Variants in INTU observed in about 807,000 individuals in gnomAD.
INTU encodes the protein inturned planar cell polarity protein.
Under a neutral mutation model 100.5 loss-of-function variants are expected in INTU, and 68 were observed. That is an observed-to-expected ratio of 0.68 (90% CI 0.56 to 0.83). The LOEUF is 0.83. Ranked by LOEUF, INTU falls within the 40% of genes least tolerant of loss-of-function variation. The pLI is 0.00. For missense variants in INTU, 1,071 were observed against 1,114.7 expected (o/e 0.96, Z 0.56); for synonymous variants, 357 against 395.7 (o/e 0.90, Z 1.16).
At chr4:127,690,952 C>T (rs1311716424) in intron 8 of INTU, among the ~76,000 whole-genome samples, 1 of 152,126 alleles carries the variant, frequency 6.6e-6, no homozygotes, top group East Asian at 1.9e-4. Context: ...CTTTTAGTAT[C>T]ATACAGAGTA....
chr4:127,679,957 C>T (rs1387391780), intron 6 of INTU, among the ~76,000 whole-genome samples: 6 of 152,208 alleles, frequency 3.9e-5, no homozygotes, highest in African/African-American at 1.4e-4. Context: ...AAACTACCGT[C>T]AGAGAATACT....
intron 1 of INTU, among the ~76,000 whole-genome samples, chr4:127,640,538 GATAC>G (rs1406030096): frequency 7.1e-5 from 5 of 70,362 alleles, no homozygotes; most frequent in African/African-American, 3.3e-4. Context: ...TTTGGGTAAA[GATAC>G]ATATATATAT....
At chr4:127,644,722 TTAAAGA>T (rs1727495127) in intron 2 of INTU, among the ~76,000 whole-genome samples, 1 of 152,324 alleles carries the variant, frequency 6.6e-6, no homozygotes, top group Admixed American at 6.5e-5. Context: ...ATCTAATTAC[TTAAAGA>T]TAAATGAGTA....
chr4:127,647,702 A>G (rs1043700615), intron 2 of INTU, among the ~76,000 whole-genome samples: 1 of 152,102 alleles, frequency 6.6e-6, no homozygotes, highest in Non-Finnish European at 1.5e-5. Flanking sequence ...TTTTTGTGAT[A>G]GTAATAATAT....
intron 2 of INTU, among the ~76,000 whole-genome samples, chr4:127,652,019 TTGTC>T (rs1727907842): frequency 1.4e-5 from 2 of 146,984 alleles, no homozygotes; most frequent in Non-Finnish European, 3.0e-5. Context: ...GGCTCTCTGT[TTGTC>T]TGTTATTGGT....
intron 6 of INTU, among the ~76,000 whole-genome samples, 153 bp downstream of exon 6, chr4:127,674,366 G>A (rs1338600743): frequency 6.6e-6 from 1 of 152,154 alleles, no homozygotes; most frequent in Non-Finnish European, 1.5e-5. Context: ...ACCTGTGTTC[G>A]TTTGGTATGA....
At chr4:127,677,297 C>T (rs555652702) in intron 6 of INTU, among the ~76,000 whole-genome samples, 2 of 152,040 alleles carry the variant, frequency 1.3e-5, no homozygotes, top group East Asian at 3.9e-4. Flanking sequence ...AGACTGCCTC[C>T]TCAAGTGGGT....
At chr4:127,661,906 C>T (rs1180295808) in intron 3 of INTU, among the ~76,000 whole-genome samples, 1 of 152,154 alleles carries the variant, frequency 6.6e-6, no homozygotes, top group Non-Finnish European at 1.5e-5. Context: ...TTTCCACCAG[C>T]AGGGCATAAG....
intron 8 of INTU, among the ~76,000 whole-genome samples, chr4:127,697,407 C>T (rs1437869975): frequency 6.6e-6 from 1 of 151,856 alleles, no homozygotes; most frequent in Non-Finnish European, 1.5e-5. Context: ...AATTTGACTC[C>T]TCTTATCTGT....
At chr4:127,673,444 C>A (rs925940816) in intron 5 of INTU, among the ~76,000 whole-genome samples, 3 of 151,342 alleles carry the variant, frequency 2.0e-5, no homozygotes, top group Non-Finnish European at 2.9e-5. Context: ...TTTAGCTTCC[C>A]TTAAGTGCTG....
At chr4:127,641,264 T>C (rs1374342477) in intron 1 of INTU, among the ~76,000 whole-genome samples, 1 of 152,130 alleles carries the variant, frequency 6.6e-6, no homozygotes, top group Admixed American at 6.6e-5. Flanking sequence ...CTTAAAACTC[T>C]TTGTTGATGC....
Position 127,674,292 on chromosome 4 carries a change from G to T in INTU, c.1181+79G>T, listed in dbSNP as rs535072104. On this transcript the variant is annotated intron_variant, in intron 6 of 15. Coordinates refer to ENST00000335251, the MANE Select transcript of INTU (RefSeq NM_015693.4). Reference sequence around the variant, plus strand: ...GTTTTGTTAAAATTATTACATTTTTGTCAAAAGACAAACTCCTTGAACAGT... The same window carrying T: ...GTTTTGTTAAAATTATTACATTTTTTTCAAAAGACAAACTCCTTGAACAGT... 4.4e-6 allele frequency: 5 copies of T among 1,127,984 alleles called. No homozygotes were observed. The African/African-American group carries it at 7.8e-5, about 18-fold the overall frequency. The allele number at this position is 1,127,984 out of a possible 1,614,324, so 69.9% of individuals were successfully genotyped here.
At chr4:127,665,923 G>A (rs1269453741) in intron 4 of INTU, among the ~76,000 whole-genome samples, 1 of 152,132 alleles carries the variant, frequency 6.6e-6, no homozygotes, top group Non-Finnish European at 1.5e-5. Context: ...ACGTGGGATT[G>A]CTTGTGCCAC....
At chr4:127,666,858 A>G (rs1230898567) in intron 4 of INTU, among the ~76,000 whole-genome samples, 1 of 152,166 alleles carries the variant, frequency 6.6e-6, no homozygotes, top group African/African-American at 2.4e-5. Context: ...TCCAGTCTGT[A>G]TTCTCAATGC....
intron 5 of INTU, among the ~76,000 whole-genome samples, chr4:127,673,113 G>A (rs1729008223): frequency 6.6e-6 from 1 of 152,126 alleles, no homozygotes; most frequent in Admixed American, 6.5e-5. Flanking sequence ...CCTTTCTTTA[G>A]CAAATCATCT....
At chr4:127,709,462 C>T (rs1053234117) in intron 13 of INTU, among the ~76,000 whole-genome samples, 5 of 152,034 alleles carry the variant, frequency 3.3e-5, no homozygotes, top group South Asian at 2.1e-4. Flanking sequence ...TAATTTCAAA[C>T]GTTCATTGAG....
chr4:127,677,412 G>A (rs1729271717), intron 6 of INTU, among the ~76,000 whole-genome samples: 1 of 150,604 alleles, frequency 6.6e-6, no homozygotes, highest in Non-Finnish European at 1.5e-5. Flanking sequence ...AATTCCAGAG[G>A]AACGATCAGA....
rs1482710650 is a variant in INTU at position 127,718,019 on chromosome 4, T to C, written c.*1583T>C. Reference sequence around the variant, plus strand: ...AGATCCCATTTGTCAAGTTTTGCTTTTGTTGCAGTTGCTTTTGTGATTTCA... The same window carrying C: ...AGATCCCATTTGTCAAGTTTTGCTTCTGTTGCAGTTGCTTTTGTGATTTCA... On this transcript the variant is annotated 3_prime_UTR_variant, in exon 16 of 16. Coordinates refer to ENST00000335251, the MANE Select transcript of INTU (RefSeq NM_015693.4). 1 of 152,220 alleles carries C rather than the reference T, an allele frequency of 6.6e-6. No individual in the cohort carries two copies. Among genetic ancestry groups the C allele is most frequent in the Admixed American group, 6.5e-5 (1 of 15,280 alleles). The allele number at this position is 152,220 out of a possible 1,614,324, so 9.4% of individuals were successfully genotyped here.
chr4:127,644,694 A>C (rs1029567810), intron 2 of INTU, among the ~76,000 whole-genome samples: 9 of 152,234 alleles, frequency 5.9e-5, no homozygotes, highest in Non-Finnish European at 1.0e-4. Context: ...GTTAGATACA[A>C]TGTTTGAGTT....
Sources: allele counts gnomAD v4.1 joint callset (sites outside exome capture counted in the v4.1 genomes callset), GRCh38; gene constraint gnomAD v4.1.1; transcripts MANE v1.5; gene names NCBI Gene and HGNC (gene_info 2026-07-23, HGNC 2026-07-21).